The following ZZZ3 variants were observed in gnomAD, a reference collection of about 807,000 sequenced individuals.
The protein encoded by ZZZ3 is ZZ-type zinc finger-containing protein 3.
A neutral mutation model predicts 95.2 loss-of-function variants in ZZZ3; 22 were observed. The ratio of observed to expected loss-of-function variants is 0.23; its 90% confidence interval spans 0.17 to 0.33. The LOEUF is 0.33. Ranked by LOEUF, ZZZ3 falls within the 10% of genes least tolerant of loss-of-function variation. The probability of loss-of-function intolerance (pLI) is 1.00; values close to 1 mark genes in which losing one functional copy is unlikely to be tolerated. For missense variants in ZZZ3, 885 were observed against 1,066.5 expected (o/e 0.83, Z 2.37); for synonymous variants, 335 against 358.9 (o/e 0.93, Z 0.75).
At chr1:77,577,894 C>T (rs1481847487) in intron 11 of ZZZ3, among the ~76,000 whole-genome samples, 1 of 152,164 alleles carries the variant, frequency 6.6e-6, no homozygotes, top group African/African-American at 2.4e-5. Context: ...GCTGGGATTA[C>T]AGGCGTGAGC....
At position 77,580,978 on chromosome 1, in the gene ZZZ3, G is replaced by A. The variant is rs748122185; in HGVS notation, c.1980+20C>T. ...TTTACTTGTTTTTTTAAGCCTACAC[G>A]ATTTTGAAATATTTATTACCTGTTC... On this transcript the variant is annotated intron_variant, in intron 9 of 14. Coordinates refer to ENST00000370801, the MANE Select transcript of ZZZ3 (RefSeq NM_015534.6). 1.6e-5 allele frequency: 26 copies of A among 1,607,036 alleles called. No homozygotes were observed. In the East Asian group the frequency reaches 3.3e-4, roughly 21 times the overall value.
rs138078260 is a variant in ZZZ3, at chr1:77,607,545, T to C, written c.1506-22890A>G. 1.9e-3 allele frequency among the ~76,000 whole-genome samples: 293 copies of C among 152,326 alleles called. 4 individuals carry two copies. The highest frequency in any genetic ancestry group is 6.7e-3 in the African/African-American group (280 of 41,580). ...CTGCAGCTGAAAAATGCAACTGATA[T>C]ACTGAAGAATGAATCAGAGTCTGTT... is the stretch of plus-strand genomic sequence containing the variant. On this transcript the variant is annotated intron_variant, in intron 5 of 14. Transcript: ENST00000370801.
intron 1 of ZZZ3, among the ~76,000 whole-genome samples, chr1:77,681,217 A>G (rs1250094872): frequency 2.0e-5 from 3 of 152,224 alleles, no homozygotes; most frequent in Non-Finnish European, 2.9e-5. Flanking sequence ...GGCTGGTTAC[A>G]GAGATTTAAG....
chr1:77,668,417 T>C (rs940219875), intron 1 of ZZZ3, among the ~76,000 whole-genome samples: 2 of 152,292 alleles, frequency 1.3e-5, no homozygotes, highest in African/African-American at 2.4e-5. Context: ...AGTTACTAGC[T>C]GTGTGACAAA....
Position 77,661,054 on chromosome 1 carries a change from G to A in ZZZ3, c.-402-19399C>T, listed in dbSNP as rs551774586. 2.8e-3 allele frequency among the ~76,000 whole-genome samples: 355 copies of A among 126,926 alleles called. 2 individuals are homozygous for A. Among genetic ancestry groups the A allele is most frequent in the African/African-American group, 5.3e-3 (167 of 31,692 alleles). 83.3% of individuals were successfully genotyped at this position (126,926 alleles called of 152,430 possible). A position where few individuals can be genotyped will look rare whatever the true frequency, so the allele number is the denominator to read the frequency against. ...TAAATTGAGCTTTAATTGCTTTAAC[G>A]CAAAAAAAAAAAAAAAAAAATCATT... On this transcript the variant is annotated intron_variant, in intron 1 of 14. Coordinates refer to ENST00000370801, the MANE Select transcript of ZZZ3 (RefSeq NM_015534.6).
intron 5 of ZZZ3, among the ~76,000 whole-genome samples, chr1:77,630,482 C>T (rs989168415): frequency 6.6e-6 from 1 of 151,654 alleles, no homozygotes; most frequent in Non-Finnish European, 1.5e-5. Flanking sequence ...TCTCAAAAAA[C>T]GAAAAACAAA....
intron 5 of ZZZ3, among the ~76,000 whole-genome samples, chr1:77,606,888 A>G (rs1665290365): frequency 6.6e-6 from 1 of 152,232 alleles, no homozygotes; most frequent in African/African-American, 2.4e-5. Flanking sequence ...GAAGACTAAA[A>G]TAAATACCTA....
At chr1:77,579,485 A>G in intron 10 of ZZZ3, 42 bp downstream of exon 10, 1 of 1,430,038 alleles carries the variant, frequency 7.0e-7, no homozygotes, top group Non-Finnish European at 9.8e-7. Context: ...TTAAAAAACT[A>G]CCAAAAGCAT....
At chr1:77,653,986 A>C (rs986944147) in intron 1 of ZZZ3, among the ~76,000 whole-genome samples, 1 of 152,068 alleles carries the variant, frequency 6.6e-6, no homozygotes, top group African/African-American at 2.4e-5. Flanking sequence ...CAGGAGGTCA[A>C]GACCATCCTG....
intron 1 of ZZZ3, among the ~76,000 whole-genome samples, chr1:77,645,781 G>C (rs1254974671): frequency 6.6e-6 from 1 of 152,026 alleles, no homozygotes; most frequent in African/African-American, 2.4e-5. Context: ...GACCAGCCTG[G>C]CAAACGTGAT....
intron 5 of ZZZ3, among the ~76,000 whole-genome samples, chr1:77,624,171 C>A (rs1261490259): frequency 1.3e-5 from 2 of 152,160 alleles, no homozygotes; most frequent in African/African-American, 4.8e-5. Context: ...CTAGAAAAAT[C>A]TTTGTTCCTA....
chr1:77,632,535 G>T lies in ZZZ3; in HGVS notation c.820C>A (p.Gln274Lys), dbSNP rs1458798810. 3 of 1,614,144 alleles carry T rather than the reference G, an allele frequency of 1.9e-6. No individual in the cohort carries two copies. The East Asian group carries it at 6.7e-5, about 36-fold the overall frequency. Residue 274 changes from glutamine to lysine, a missense_variant, in exon 5 of 15, where the codon CAG (glutamine) becomes AAG (lysine). Physicochemically the swap from Gln to Lys is moderately conservative, Grantham distance 53. Transcript: ENST00000370801. ...HKVPCTDSQV[Q>K]VKLEDHKIVT... ...ATTTTGTGGTCCTCCAACTTGACCT[G>T]CACTTGTGAATCTGTGCAAGGCACC...
Position 77,582,124 on chromosome 1 carries a change from A to C in ZZZ3, c.1647T>G (p.Ala549=). 6.3e-7 allele frequency: 1 copy of C among 1,595,222 alleles called. No individual in the cohort carries two copies. Among genetic ancestry groups the C allele is most frequent in the East Asian group, 2.2e-5 (1 of 44,676 alleles). Reference sequence around the variant, plus strand: ...TCTGTGGATATGGAAGCCCAATATCAGCCTGGAGGCAGGGGAGAAAAAACA... The same window carrying C: ...TCTGTGGATATGGAAGCCCAATATCCGCCTGGAGGCAGGGGAGAAAAAACA... The part of the protein sequence containing the change: ...IGFVEKLQKK[A]DIGLPYPQRV... Residue 549 remains alanine, a splice_region_variant and synonymous_variant, in exon 7 of 15, where the codon GCT becomes GCG. Transcript: ENST00000370801.
rs10581619 is a variant in ZZZ3, at chr1:77,568,471, CAAAAAAAAA to C, written c.2332-14_2332-6del. On this transcript the variant is annotated splice_region_variant and splice_polypyrimidine_tract_variant and intron_variant, in intron 12 of 14. Coordinates refer to ENST00000370801, the MANE Select transcript of ZZZ3 (RefSeq NM_015534.6). ...GATAGGAATACTTTCGTCATCCTAT[CAAAAAAAAA>C]AAAAAAAAAAAATGTTGGTTTGGTA... The C allele has an allele frequency of 3.7e-5, 22 of 593,438 alleles. No homozygotes were observed. Among genetic ancestry groups the C allele is most frequent in the East Asian group, 9.5e-5 (2 of 21,072 alleles). The allele number at this position is 593,438 out of a possible 1,614,324, so 36.8% of individuals were successfully genotyped here. A position where few individuals can be genotyped will look rare whatever the true frequency, so the allele number is the denominator to read the frequency against.
chr1:77,666,531 T>C (rs550212114), intron 1 of ZZZ3, among the ~76,000 whole-genome samples: 2 of 152,134 alleles, frequency 1.3e-5, no homozygotes, highest in Non-Finnish European at 2.9e-5. Flanking sequence ...CCAGACTCCA[T>C]CTCAAAGAAT....
At chr1:77,608,787 ATTTG>A (rs1354314531) in intron 5 of ZZZ3, among the ~76,000 whole-genome samples, 1 of 152,154 alleles carries the variant, frequency 6.6e-6, no homozygotes, top group African/African-American at 2.4e-5. Flanking sequence ...GTTTTTGTTT[ATTTG>A]TTTATGCAGG....
intron 5 of ZZZ3, among the ~76,000 whole-genome samples, chr1:77,602,345 T>A (rs1327116909): frequency 6.6e-6 from 1 of 152,210 alleles, no homozygotes; most frequent in Admixed American, 6.5e-5. Context: ...TATGTATTTA[T>A]CTCTCAATTA....
chr1:77,668,845 A>T (rs951148822), intron 1 of ZZZ3, among the ~76,000 whole-genome samples: 6 of 152,176 alleles, frequency 3.9e-5, no homozygotes, highest in African/African-American at 1.4e-4. Context: ...GTAAGAATCA[A>T]TTTCATATCA....
At chr1:77,668,606 C>T (rs1671459523) in intron 1 of ZZZ3, among the ~76,000 whole-genome samples, 1 of 151,036 alleles carries the variant, frequency 6.6e-6, no homozygotes, top group African/African-American at 2.4e-5. Context: ...TATGATCGCA[C>T]CACTGCATTC....
Sources: gnomAD v4.1 joint callset for allele counts (sites outside exome capture counted in the v4.1 genomes callset) on GRCh38, gnomAD v4.1.1 for gene constraint, MANE v1.5 for transcripts, NCBI Gene and HGNC (gene_info 2026-07-23, HGNC 2026-07-21) for gene names.